AUTS2: variants seen among roughly 807,000 people sequenced by gnomAD.
The protein encoded by AUTS2 is autism susceptibility gene 2 protein.
In AUTS2, 17 loss-of-function variants were observed where a neutral mutation model predicts 112.4. That is an observed-to-expected ratio of 0.15 (90% CI 0.10 to 0.23). The LOEUF (loss-of-function observed/expected upper bound fraction) is 0.23. AUTS2 is among the 10% of genes least tolerant of loss of function. AUTS2 has a pLI of 1.00. For missense variants in AUTS2, 1,510 were observed against 1,701.6 expected (o/e 0.89, Z 1.98); for synonymous variants, 751 against 702.7 (o/e 1.07, Z -1.09).
chr7:70,022,692 A>G (rs533300071), intron 2 of AUTS2, among the ~76,000 whole-genome samples: 9 of 151,568 alleles, frequency 5.9e-5, no homozygotes, highest in African/African-American at 2.2e-4. Flanking sequence ...TAAGTGAGCT[A>G]TTTTTAGGGA....
At chr7:70,443,303 C>T (rs948928440) in intron 5 of AUTS2, among the ~76,000 whole-genome samples, 1 of 152,148 alleles carries the variant, frequency 6.6e-6, no homozygotes, top group African/African-American at 2.4e-5. Context: ...GAAGGGCACT[C>T]AGAAGACCCA....
intron 4 of AUTS2, among the ~76,000 whole-genome samples, chr7:70,154,875 G>A (rs140927437): frequency 6.6e-6 from 1 of 152,292 alleles, no homozygotes; most frequent in East Asian, 1.9e-4. Flanking sequence ...GTATTGGAAG[G>A]ATATAATTGA....
intron 2 of AUTS2, among the ~76,000 whole-genome samples, chr7:69,951,900 G>T (rs1191455979): frequency 6.6e-6 from 1 of 152,042 alleles, no homozygotes; most frequent in Non-Finnish European, 1.5e-5. Context: ...TCTTCCCCTG[G>T]CTCAAAATCT....
intron 5 of AUTS2, among the ~76,000 whole-genome samples, chr7:70,649,540 A>ATTTT (rs1554451120): frequency 6.8e-4 from 102 of 150,834 alleles, no homozygotes; most frequent in African/African-American, 2.2e-3. Context: ...TTATTTATTT[A>ATTTT]TTTTTTGAGA....
chr7:70,642,732 C>T (rs1271125948), intron 5 of AUTS2, among the ~76,000 whole-genome samples: 4 of 152,140 alleles, frequency 2.6e-5, no homozygotes, highest in African/African-American at 7.2e-5. Flanking sequence ...CCATTCCATC[C>T]TCCTCAGTGA....
chr7:70,146,707 G>T (rs371214060), intron 4 of AUTS2, among the ~76,000 whole-genome samples: 1 of 152,094 alleles, frequency 6.6e-6, no homozygotes, highest in Non-Finnish European at 1.5e-5. Flanking sequence ...TCAGGTCATC[G>T]TGGTGGCAAT....
At chr7:70,044,341 G>C (rs1801405218) in intron 2 of AUTS2, among the ~76,000 whole-genome samples, 1 of 152,178 alleles carries the variant, frequency 6.6e-6, no homozygotes, top group Non-Finnish European at 1.5e-5. Context: ...GTTGCCTAGA[G>C]TAATTCCCAA....
chr7:70,265,864 C>T (rs1787397663), intron 4 of AUTS2, among the ~76,000 whole-genome samples: 1 of 152,172 alleles, frequency 6.6e-6, no homozygotes, highest in African/African-American at 2.4e-5. Context: ...TCTATTATGA[C>T]AATTAACTCT....
intron 1 of AUTS2, among the ~76,000 whole-genome samples, chr7:69,623,627 G>C (rs6977472): frequency 0.097 from 14,772 of 151,938 alleles, 1,132 homozygotes; most frequent in African/African-American, 0.21. Flanking sequence ...AAATATTTTT[G>C]AGTGTTTTCC....
intron 4 of AUTS2, among the ~76,000 whole-genome samples, chr7:70,357,079 T>A (rs1487892546): frequency 1.3e-5 from 2 of 152,190 alleles, no homozygotes; most frequent in African/African-American, 4.8e-5. Context: ...ACAGAGGGGA[T>A]CCCAGGTAGT....
At chr7:69,634,880 C>A (rs1323852385) in intron 1 of AUTS2, among the ~76,000 whole-genome samples, 1 of 152,204 alleles carries the variant, frequency 6.6e-6, no homozygotes, top group East Asian at 1.9e-4. Flanking sequence ...GGAATTCAAA[C>A]TGGGTATTGG....
At chr7:70,319,780 G>C (rs889117936) in intron 4 of AUTS2, among the ~76,000 whole-genome samples, 1 of 152,172 alleles carries the variant, frequency 6.6e-6, no homozygotes, top group Non-Finnish European at 1.5e-5. Context: ...AAACAACCTT[G>C]ATAAATTACA....
chr7:70,603,829 C>G (rs1185555079), intron 5 of AUTS2, among the ~76,000 whole-genome samples: 1 of 152,142 alleles, frequency 6.6e-6, no homozygotes, highest in Non-Finnish European at 1.5e-5. Flanking sequence ...GATACCCAGC[C>G]TCCCCCAGTT....
chr7:70,676,604 C>T (rs896362023), intron 5 of AUTS2, among the ~76,000 whole-genome samples: 1 of 151,644 alleles, frequency 6.6e-6, no homozygotes, highest in Non-Finnish European at 1.5e-5. Flanking sequence ...TGGCCGGGTG[C>T]GCTGGCTTAT....
At chr7:70,450,948 G>C (rs558663210) in intron 5 of AUTS2, among the ~76,000 whole-genome samples, 1 of 152,104 alleles carries the variant, frequency 6.6e-6, no homozygotes, top group African/African-American at 2.4e-5. Flanking sequence ...CAGCGAAAGT[G>C]GGGGGATGGA....
chr7:70,098,581 A>C (rs899475837), intron 2 of AUTS2, among the ~76,000 whole-genome samples: 8 of 152,130 alleles, frequency 5.3e-5, no homozygotes, highest in Admixed American at 2.6e-4. Flanking sequence ...AGGGGGAAAA[A>C]ATAAAAAGCC....
At chr7:70,108,988 T>C (rs1804927594) in intron 2 of AUTS2, among the ~76,000 whole-genome samples, 1 of 152,078 alleles carries the variant, frequency 6.6e-6, no homozygotes, top group African/African-American at 2.4e-5. Flanking sequence ...CTTGCTAGGA[T>C]GACAAGGTGT....
At chr7:69,657,442 C>T (rs1040992739) in intron 1 of AUTS2, among the ~76,000 whole-genome samples, 21 of 152,116 alleles carry the variant, frequency 1.4e-4, no homozygotes, top group African/African-American at 4.3e-4. Context: ...AGCACTAGGG[C>T]GAAATAAACA....
chr7:69,854,542 C>T (rs561418582), intron 1 of AUTS2, among the ~76,000 whole-genome samples: 2 of 151,930 alleles, frequency 1.3e-5, no homozygotes, highest in African/African-American at 4.8e-5. Flanking sequence ...TCTTTTAGTG[C>T]CATAGTGGTT....
Sources: allele counts gnomAD v4.1 joint callset (sites outside exome capture counted in the v4.1 genomes callset), GRCh38; gene constraint gnomAD v4.1.1; transcripts MANE v1.5; gene names NCBI Gene and HGNC (gene_info 2026-07-23, HGNC 2026-07-21).